Variants in INPP5A observed in about 807,000 individuals in gnomAD.
INPP5A encodes 43 kDa inositol polyphosphate 5-phophatase.
A neutral mutation model predicts 65.2 loss-of-function variants in INPP5A; 14 were observed. The observed-to-expected ratio is 0.21, with a 90% confidence interval of 0.14 to 0.34. The LOEUF is 0.34. Ranked by LOEUF, INPP5A falls within the 10% of genes least tolerant of loss-of-function variation. INPP5A has a pLI of 1.00. For missense variants in INPP5A, 431 were observed against 545.6 expected (o/e 0.79, Z 2.09); for synonymous variants, 207 against 208.3 (o/e 0.99, Z 0.05).
intron 5 of INPP5A, among the ~76,000 whole-genome samples, chr10:132,693,349 C>T (rs958851208): frequency 6.6e-6 from 1 of 151,992 alleles, no homozygotes; most frequent in Non-Finnish European, 1.5e-5. Context: ...TGTGAATGGT[C>T]TAAATATACC....
intron 8 of INPP5A, among the ~76,000 whole-genome samples, chr10:132,721,009 G>A (rs556986939): frequency 7.7e-4 from 111 of 144,958 alleles, no homozygotes; most frequent in African/African-American, 1.9e-3. Context: ...CACCTTAGAC[G>A]ACTGTCTTCA....
intron 4 of INPP5A, among the ~76,000 whole-genome samples, chr10:132,688,930 G>T (rs1845203906): frequency 1.3e-5 from 2 of 151,866 alleles, no homozygotes; most frequent in South Asian, 4.2e-4. Flanking sequence ...GTGCATGTGT[G>T]CATGTTAGTG....
chr10:132,756,321 ATG>A (rs1846613832), intron 11 of INPP5A, among the ~76,000 whole-genome samples: 1 of 152,048 alleles, frequency 6.6e-6, no homozygotes, highest in Non-Finnish European at 1.5e-5. Flanking sequence ...GTGTGTATGC[ATG>A]TGTGCACTCG....
intron 4 of INPP5A, among the ~76,000 whole-genome samples, chr10:132,679,392 C>T (rs1590919060): frequency 6.6e-6 from 1 of 152,230 alleles, no homozygotes; most frequent in African/African-American, 2.4e-5. Context: ...TGTGCAGCCG[C>T]CGGGCCAGGA....
In INPP5A at chr10:132,644,419, C is replaced by G; in HGVS notation, c.118-1449C>G. ...ACCTGCAGCACAGACAGGGCCTGTC[C>G]GCCGGGCTTGGTTGGAACCATTTCT... On this transcript the variant is annotated intron_variant, in intron 2 of 15. Coordinates refer to ENST00000368594, the MANE Select transcript of INPP5A (RefSeq NM_005539.5). This position sits in a 1 kb window ranked among gnomAD's most constrained non-coding sequence, Gnocchi z 6.5. Among the ~76,000 whole-genome samples, 1 of 152,238 alleles carries G rather than the reference C, an allele frequency of 6.6e-6. No individual in the cohort carries two copies.
rs551369252 is a variant in INPP5A at position 132,547,558 on chromosome 10, G to A, written c.75+9387G>A. 4.6e-5 allele frequency among the ~76,000 whole-genome samples: 7 copies of A among 152,270 alleles called. No individual in the cohort carries two copies. The East Asian group carries it at 9.7e-4, about 21-fold the overall frequency. ...TGGCATCTGGGGTTCCCGGGAGGCC[G>A]GGCACCTGCACCCTCGCCGTCGCCC... is the stretch of plus-strand genomic sequence containing the variant. On this transcript the variant is annotated intron_variant, in intron 1 of 15. Coordinates refer to ENST00000368594, the MANE Select transcript of INPP5A (RefSeq NM_005539.5). This position sits in a 1 kb window ranked among gnomAD's most constrained non-coding sequence, Gnocchi z 5.5.
intron 4 of INPP5A, among the ~76,000 whole-genome samples, chr10:132,662,290 T>G (rs538002486): frequency 1.3e-5 from 2 of 152,292 alleles, no homozygotes; most frequent in South Asian, 4.2e-4. Flanking sequence ...GCCGTTTCCC[T>G]CTTCAGTATT....
chr10:132,631,132 A>G (rs1351722752), intron 2 of INPP5A, among the ~76,000 whole-genome samples: 1 of 152,166 alleles, frequency 6.6e-6, no homozygotes, highest in East Asian at 1.9e-4. Flanking sequence ...CAGATCACAC[A>G]GGCTGGCCAG....
intron 9 of INPP5A, among the ~76,000 whole-genome samples, chr10:132,730,442 T>C (rs2134592023): frequency 6.6e-6 from 1 of 152,348 alleles, no homozygotes; most frequent in Admixed American, 6.5e-5. Flanking sequence ...GCAGGACAGT[T>C]CACGTCTGTC....
chr10:132,584,976 G>T (rs867152214), intron 1 of INPP5A, among the ~76,000 whole-genome samples: 1 of 152,178 alleles, frequency 6.6e-6, no homozygotes, highest in Non-Finnish European at 1.5e-5. Context: ...AAAGTGCTGG[G>T]ATTTTTCTGT....
intron 8 of INPP5A, among the ~76,000 whole-genome samples, chr10:132,712,830 G>A (rs1035350156): frequency 4.0e-5 from 6 of 151,314 alleles, no homozygotes; most frequent in African/African-American, 1.5e-4. Flanking sequence ...GGCCTCGTGT[G>A]GGTGCATATG....
intron 11 of INPP5A, among the ~76,000 whole-genome samples, chr10:132,764,872 G>A (rs1479673538): frequency 6.9e-6 from 1 of 144,626 alleles, no homozygotes; most frequent in African/African-American, 2.6e-5. Flanking sequence ...TGCTGTGGTG[G>A]GAGGGTGTGC....
Position 132,625,109 on chromosome 10 carries a change from C to T in INPP5A, c.117+17153C>T, listed in dbSNP as rs193248463. On this transcript the variant is annotated intron_variant, in intron 2 of 15. Transcript: ENST00000368594. ...GAGGCCCCGCCCCTTCCCTCTCTCC[C>T]TCCCCCCTCCCCCTCCCTCCTTCCT... 7.7e-3 allele frequency among the ~76,000 whole-genome samples: 959 copies of T among 124,574 alleles called. 11 individuals carry two copies. The highest frequency in any genetic ancestry group is 0.027 in the African/African-American group (916 of 33,660). The allele number at this position is 124,574 out of a possible 152,430, so 81.7% of individuals were successfully genotyped here.
intron 1 of INPP5A, among the ~76,000 whole-genome samples, chr10:132,588,599 C>T (rs1323045124): frequency 2.0e-5 from 3 of 152,256 alleles, no homozygotes; most frequent in Non-Finnish European, 2.9e-5. Flanking sequence ...GGGTTCCCAC[C>T]CCCCAGCACA....
At chr10:132,777,627 G>T in intron 12 of INPP5A, 44 bp from the exon 13 acceptor site, 3 of 1,577,202 alleles carry the variant, frequency 1.9e-6, no homozygotes, top group Non-Finnish European at 2.6e-6. Flanking sequence ...GGCTGAGGAC[G>T]GCCCGAGCCG....
intron 4 of INPP5A, among the ~76,000 whole-genome samples, chr10:132,653,819 A>G (rs1028890467): frequency 1.3e-5 from 2 of 151,950 alleles, no homozygotes; most frequent in African/African-American, 4.9e-5. Flanking sequence ...GGCAGCCTTC[A>G]GCGCGGGGAG....
intron 9 of INPP5A, among the ~76,000 whole-genome samples, chr10:132,736,900 C>A (rs1235232500): frequency 6.6e-6 from 1 of 152,234 alleles, no homozygotes; most frequent in East Asian, 1.9e-4. Context: ...ATCTGGTTAC[C>A]GGCTGCCTTG....
chr10:132,760,452 C>T (rs951516241), intron 11 of INPP5A, among the ~76,000 whole-genome samples: 14 of 152,252 alleles, frequency 9.2e-5, no homozygotes, highest in Non-Finnish European at 1.6e-4. Context: ...TTGCAAGAGG[C>T]CATCTGTGCC....
intron 1 of INPP5A, among the ~76,000 whole-genome samples, chr10:132,568,667 G>A (rs2071301614): frequency 6.6e-6 from 1 of 152,100 alleles, no homozygotes; most frequent in East Asian, 1.9e-4. Flanking sequence ...TGAGGGAGGA[G>A]AATGGCTTGA....
Sources: gnomAD v4.1 joint callset for allele counts (sites outside exome capture counted in the v4.1 genomes callset) on GRCh38, gnomAD v4.1.1 for gene constraint, Gnocchi (gnomAD v3.1) non-coding constraint, MANE v1.5 for transcripts, NCBI Gene and HGNC (gene_info 2026-07-23, HGNC 2026-07-21) for gene names.